The following PCCA variants were observed in gnomAD, a reference collection of about 807,000 sequenced individuals.
The protein encoded by PCCA is propionyl-CoA carboxylase subunit alpha.
Under a neutral mutation model 101.3 loss-of-function variants are expected in PCCA, and 74 were observed. The observed-to-expected ratio is 0.73, with a 90% CI of 0.61 to 0.89. The LOEUF (loss-of-function observed/expected upper bound fraction) is 0.89. PCCA is among the 40% of genes least tolerant of loss of function. The pLI, the probability that PCCA is intolerant of heterozygous loss-of-function variation, is 0.00. For synonymous variants in PCCA, 294 were observed against 313.6 expected, an observed-to-expected ratio of 0.94 and a Z score of 0.66; for missense variants, 891 against 907.0, an observed-to-expected ratio of 0.98 and a Z score of 0.23.
intron 2 of PCCA, among the ~76,000 whole-genome samples, chr13:100,111,450 T>G (rs191689105): frequency 4.2e-4 from 64 of 152,194 alleles, no homozygotes; most frequent in Middle Eastern, 6.8e-3. Context: ...CGTGAGCCAC[T>G]GCACCCGGGC....
intron 12 of PCCA, among the ~76,000 whole-genome samples, chr13:100,284,982 T>C (rs2064480536): frequency 6.6e-6 from 1 of 152,250 alleles, no homozygotes; most frequent in African/African-American, 2.4e-5. Flanking sequence ...TCTAGATCTC[T>C]TGAACTTTCT....
At chr13:100,370,184 A>C (rs1162115583) in intron 19 of PCCA, among the ~76,000 whole-genome samples, 1 of 144,244 alleles carries the variant, frequency 6.9e-6, no homozygotes, top group Non-Finnish European at 1.5e-5. Context: ...CCCAGGTTCA[A>C]GTGATTTCTC....
At chr13:100,223,622 G>A (rs1566740885) in intron 7 of PCCA, among the ~76,000 whole-genome samples, 1 of 152,110 alleles carries the variant, frequency 6.6e-6, no homozygotes, top group Non-Finnish European at 1.5e-5. Context: ...CAGTGTGGAA[G>A]GGGACCCGAG....
intron 21 of PCCA, among the ~76,000 whole-genome samples, chr13:100,483,959 C>A (rs1348865536): frequency 6.6e-6 from 1 of 152,106 alleles, no homozygotes; most frequent in East Asian, 1.9e-4. Flanking sequence ...TGGAGGAAAA[C>A]AATCTGGGTT....
intron 12 of PCCA, among the ~76,000 whole-genome samples, chr13:100,280,089 C>T (rs911379181): frequency 2.0e-5 from 3 of 150,450 alleles, no homozygotes; most frequent in African/African-American, 7.3e-5. Context: ...AATAACAATA[C>T]AGTTTCTCCA....
At chr13:100,323,869 A>C (rs2068343195) in intron 16 of PCCA, among the ~76,000 whole-genome samples, 1 of 152,170 alleles carries the variant, frequency 6.6e-6, no homozygotes, top group African/African-American at 2.4e-5. Flanking sequence ...TGAGGAAACT[A>C]AAGCTTTGAG....
In PCCA at chr13:100,089,212, T is replaced by G. The variant is rs1566436616; in HGVS notation, c.92T>G (p.Leu31Arg). 2 of 1,522,264 alleles carry G rather than the reference T, an allele frequency of 1.3e-6. No individual in the cohort carries two copies. Among genetic ancestry groups the G allele is most frequent in the African/African-American group, 1.4e-5 (1 of 70,420 alleles). The allele number at this position is 1,522,264 out of a possible 1,614,324, so 94.3% of individuals were successfully genotyped here. The change falls in exon 1 of 24, where the codon CTG becomes CGG. Residue 31 changes from leucine (L) to arginine (R), a missense_variant. Transcript: ENST00000376285. ...PPQQLMLSAA[L>R]RTLKHVLYYS... The stretch of plus-strand genomic sequence containing the variant: ...CAGCAGCTGATGCTGAGCGCGGCGC[T>G]GCGGACCCTGAAGGTGAGGAGCAAC...
chr13:100,404,377 G>A (rs1343060885), intron 19 of PCCA, among the ~76,000 whole-genome samples: 1 of 152,160 alleles, frequency 6.6e-6, no homozygotes, highest in Non-Finnish European at 1.5e-5. Flanking sequence ...ACTCTTTCCA[G>A]CTTGGAGGAT....
At chr13:100,458,419 G>A (rs1251367254) in intron 21 of PCCA, among the ~76,000 whole-genome samples, 1 of 113,396 alleles carries the variant, frequency 8.8e-6, no homozygotes, top group Non-Finnish European at 1.8e-5. Flanking sequence ...CCCCATCTCT[G>A]CGCGCACACA....
chr13:100,456,676 C>T lies in PCCA; in HGVS notation c.1899+7371C>T, dbSNP rs530478549. On this transcript the variant is annotated intron_variant, in intron 21 of 23. Transcript: ENST00000376285. ...AAGCTGAGAGAGAGAAGGCAGCATA[C>T]GTCAGCGTTTTCTTCTATGCACTTA... Among the ~76,000 whole-genome samples, 17 of 152,246 alleles carry T rather than the reference C, an allele frequency of 1.1e-4. No homozygotes were observed. The South Asian group carries it at 2.7e-3, about 24-fold the overall frequency.
At chr13:100,522,957 G>A (rs529129519) in intron 22 of PCCA, among the ~76,000 whole-genome samples, 4 of 152,306 alleles carry the variant, frequency 2.6e-5, no homozygotes, top group Non-Finnish European at 5.9e-5. Flanking sequence ...TGAATATCTG[G>A]TCTTGAGCAC....
intron 20 of PCCA, among the ~76,000 whole-genome samples, chr13:100,431,432 CA>C (rs1224829860): frequency 1.3e-5 from 2 of 152,076 alleles, no homozygotes; most frequent in Non-Finnish European, 2.9e-5. Flanking sequence ...TCAGAATTTT[CA>C]ATATTTTCCT....
intron 21 of PCCA, 112 bp from the exon 22 acceptor site, chr13:100,515,315 G>T: frequency 1.1e-6 from 1 of 891,356 alleles, no homozygotes; most frequent in East Asian, 2.6e-5. Context: ...TGAATTTAAG[G>T]CTCTTACTGT....
intron 18 of PCCA, among the ~76,000 whole-genome samples, chr13:100,352,886 A>G (rs1227304648): frequency 6.6e-6 from 1 of 152,126 alleles, no homozygotes; most frequent in Non-Finnish European, 1.5e-5. Context: ...AAATCTCTTT[A>G]GAGGTAGGTT....
rs376096920 is a variant in PCCA at position 100,376,750 on chromosome 13, C to G, written c.1746+8176C>G. ...TCTTAGCTTGCTGGGCTCCGTGGGG[C>G]TGGGATCCGCTGAGCAAGACCACTT... On this transcript the variant is annotated intron_variant, in intron 19 of 23. Coordinates refer to ENST00000376285, the MANE Select transcript of PCCA (RefSeq NM_000282.4). Among the ~76,000 whole-genome samples, 158 of 152,306 alleles carry G rather than the reference C, an allele frequency of 1.0e-3. 4 individuals carry two copies. The South Asian group carries it at 0.03, about 29-fold the overall frequency.
At chr13:100,434,130 T>C (rs2079758506) in intron 20 of PCCA, among the ~76,000 whole-genome samples, 1 of 152,210 alleles carries the variant, frequency 6.6e-6, no homozygotes, top group Admixed American at 6.5e-5. Context: ...TCTTATGACC[T>C]GCTACTGTTG....
intron 19 of PCCA, among the ~76,000 whole-genome samples, chr13:100,382,891 A>G (rs1051117206): frequency 6.6e-6 from 1 of 152,202 alleles, no homozygotes; most frequent in Non-Finnish European, 1.5e-5. Context: ...GTCATCAACC[A>G]GTTAAATCTA....
At chr13:100,214,327 T>C (rs1025029094) in intron 7 of PCCA, among the ~76,000 whole-genome samples, 2 of 152,168 alleles carry the variant, frequency 1.3e-5, no homozygotes, top group Non-Finnish European at 2.9e-5. Context: ...TTTAACAATA[T>C]TGATTCTTCC....
chr13:100,224,521 G>A (rs1390489925), intron 7 of PCCA, among the ~76,000 whole-genome samples: 1 of 150,110 alleles, frequency 6.7e-6, no homozygotes, highest in Non-Finnish European at 1.5e-5. Flanking sequence ...GGGCTGATCA[G>A]GTCCCTCAAG....
Sources: allele counts gnomAD v4.1 joint callset (sites outside exome capture counted in the v4.1 genomes callset), GRCh38; gene constraint gnomAD v4.1.1; transcripts MANE v1.5; gene names NCBI Gene and HGNC (gene_info 2026-07-23, HGNC 2026-07-21).